FAAH2: variants seen among roughly 807,000 people sequenced by gnomAD.
The protein encoded by FAAH2 is fatty-acid amide hydrolase 2.
A neutral mutation model predicts 36.9 loss-of-function variants in FAAH2; 60 were observed. The ratio of observed to expected loss-of-function variants is 1.63; its 90% CI spans 1.32 to 2.02. The LOEUF (loss-of-function observed/expected upper bound fraction) is 2.02, where lower values mean the gene tolerates loss of function less well. Ranked by LOEUF, FAAH2 falls within the 30% of genes most tolerant of loss-of-function variation. The pLI, the probability that FAAH2 is intolerant of heterozygous loss-of-function variation, is 0.00. For synonymous variants in FAAH2, 214 were observed against 143.8 expected (o/e 1.49, Z -3.49); for missense variants, 689 against 397.5 (o/e 1.73, Z -6.23).
intron 5 of FAAH2, among the ~76,000 whole-genome samples, chrX:57,362,489 C>G (rs2054309529): frequency 8.9e-6 from 1 of 111,751 alleles, no homozygotes; most frequent in African/African-American, 3.3e-5. Flanking sequence ...TATCCCAGAA[C>G]TGGATATTAG....
At chrX:57,191,770 G>A in the FAAH2 span, among the ~76,000 whole-genome samples, 4 of 111,839 alleles carry the variant, frequency 3.6e-5, no homozygotes, top group East Asian at 5.6e-4. Flanking sequence ...TTCTTGTCAC[G>A]TTTATCAAAA....
chrX:57,446,940 TTTGTAGATTTGC>T lies in FAAH2; in HGVS notation c.1133_1144del (p.Val378_Leu381del), dbSNP rs1177450992. 1 of 1,203,463 alleles carries T rather than the reference TTTGTAGATTTGC, an allele frequency of 8.3e-7. No homozygotes were observed. Among genetic ancestry groups the T allele is most frequent in the African/African-American group, 1.8e-5 (1 of 56,800 alleles). On this transcript the variant is annotated inframe_deletion, in exon 9 of 11. Coordinates refer to ENST00000374900, the MANE Select transcript of FAAH2 (RefSeq NM_174912.4). The stretch of plus-strand genomic sequence containing the variant: ...CCTTCAATCTCAGGAACCTGTGAAA[TTTGTAGATTTGC>T]TTGGTGACCATGGGAAACATGTCAG...
rs1377093606 is a variant in FAAH2, at chrX:57,413,069, G to A, written c.997-18849G>A. 1.3e-4 allele frequency among the ~76,000 whole-genome samples: 15 copies of A among 111,759 alleles called. No homozygotes were observed. The Admixed American group carries it at 1.4e-3, about 11-fold the overall frequency. ...ATATGCTTCACCCACTTTTTGGTGAGGTTTGTTTTTTTCTTGTAAAGCTGT... is the reference window on the plus strand; with the variant it reads ...ATATGCTTCACCCACTTTTTGGTGAAGTTTGTTTTTTTCTTGTAAAGCTGT... On this transcript the variant is annotated intron_variant, in intron 7 of 10. Coordinates refer to ENST00000374900, the MANE Select transcript of FAAH2 (RefSeq NM_174912.4).
At chrX:57,216,552 A>ATATACG in the FAAH2 span, among the ~76,000 whole-genome samples, 3 of 30,699 alleles carry the variant, frequency 9.8e-5, no homozygotes, top group African/African-American at 3.8e-4. Context: ...ACGTATATGT[A>ATATACG]TATATATATA....
chrX:57,228,134 G>A, the FAAH2 span, among the ~76,000 whole-genome samples: 6 of 111,944 alleles, frequency 5.4e-5, no homozygotes, highest in Admixed American at 3.8e-4. Context: ...CTGGATTCGC[G>A]CCCTCCCCTG....
At chrX:57,467,005 G>A (rs1386694355) in intron 10 of FAAH2, among the ~76,000 whole-genome samples, 1 of 111,152 alleles carries the variant, frequency 9.0e-6, no homozygotes, top group East Asian at 2.8e-4. Flanking sequence ...CTCTCCAGAG[G>A]TGGTTTTGCT....
At chrX:57,221,746 C>A in the FAAH2 span, among the ~76,000 whole-genome samples, 2 of 110,523 alleles carry the variant, frequency 1.8e-5, no homozygotes, top group African/African-American at 6.6e-5. Flanking sequence ...TTCATAATTC[C>A]TTTACACTCT....
intron 7 of FAAH2, among the ~76,000 whole-genome samples, chrX:57,427,015 A>G (rs2056178867): frequency 9.0e-6 from 1 of 111,633 alleles, no homozygotes; most frequent in Admixed American, 9.5e-5. Context: ...CATGAGAAGA[A>G]GAGAGATGAT....
the FAAH2 span, among the ~76,000 whole-genome samples, chrX:57,127,456 A>C: frequency 9.0e-6 from 1 of 111,678 alleles, no homozygotes; most frequent in Non-Finnish European, 1.9e-5. Flanking sequence ...TCATAGGAAG[A>C]GGTAGGCTTC....
At chrX:57,444,339 C>T (rs1442301961) in intron 8 of FAAH2, among the ~76,000 whole-genome samples, 6 of 112,103 alleles carry the variant, frequency 5.4e-5, no homozygotes, top group African/African-American at 1.9e-4. Flanking sequence ...TCGCTGCCAC[C>T]TTGCAGTTTG....
the FAAH2 span, among the ~76,000 whole-genome samples, chrX:57,251,464 C>A: frequency 2.7e-5 from 3 of 111,402 alleles, no homozygotes; most frequent in South Asian, 7.5e-4. Flanking sequence ...CTCACTGATG[C>A]CAATTCAATT....
chrX:57,387,952 C>A (rs1325676819), intron 7 of FAAH2, among the ~76,000 whole-genome samples: 2 of 110,739 alleles, frequency 1.8e-5, no homozygotes, highest in East Asian at 5.7e-4. Context: ...CCACCTCCAC[C>A]ATTCCCAAGC....
chrX:57,274,528 C>T, the FAAH2 span, among the ~76,000 whole-genome samples: 32 of 112,001 alleles, frequency 2.9e-4, no homozygotes, highest in Non-Finnish European at 4.9e-4. Context: ...CAAACTGAAT[C>T]CAGCAGCACA....
chrX:57,150,828 G>C, the FAAH2 span, among the ~76,000 whole-genome samples: 59 of 111,751 alleles, frequency 5.3e-4, no homozygotes, highest in African/African-American at 1.8e-3. Flanking sequence ...TATTTTGCTC[G>C]TTAGTTGATG....
intron 10 of FAAH2, among the ~76,000 whole-genome samples, chrX:57,459,899 C>A (rs2056928394): frequency 8.9e-6 from 1 of 111,928 alleles, no homozygotes; most frequent in South Asian, 3.7e-4. Flanking sequence ...AAAAACAGCA[C>A]AACAATGCTG....
intron 3 of FAAH2, among the ~76,000 whole-genome samples, chrX:57,318,542 T>TA (rs1176830373): frequency 8.1e-5 from 9 of 111,006 alleles, no homozygotes; most frequent in African/African-American, 2.3e-4. Flanking sequence ...AGCCTACCAA[T>TA]AAAAAAATCC....
chrX:57,312,757 C>T (rs992866532), intron 3 of FAAH2, among the ~76,000 whole-genome samples: 1 of 111,081 alleles, frequency 9.0e-6, no homozygotes, highest in Non-Finnish European at 1.9e-5. Context: ...ACTTACACCA[C>T]AGTTACAGAA....
At chrX:57,135,472 C>A in the FAAH2 span, 19 of 240,408 alleles carry the variant, frequency 7.9e-5, no homozygotes, top group Non-Finnish European at 1.2e-4. Context: ...TCTCTTGTTC[C>A]TTCCCCTGCC....
chrX:57,478,894 TG>T (rs1197950634), intron 10 of FAAH2, among the ~76,000 whole-genome samples: 5 of 111,814 alleles, frequency 4.5e-5, no homozygotes, highest in African/African-American at 1.3e-4. Context: ...ACTGTAGCCT[TG>T]TAGTATAGTT....
Sources: allele counts gnomAD v4.1 joint callset (sites outside exome capture counted in the v4.1 genomes callset), GRCh38; gene constraint gnomAD v4.1.1; transcripts MANE v1.5; gene names NCBI Gene and HGNC (gene_info 2026-07-23, HGNC 2026-07-21).